FSTL5: variants seen among roughly 807,000 people sequenced by gnomAD.
FSTL5 encodes follistatin like 5, also known as follistatin-related protein 5.
In FSTL5, 62 loss-of-function variants were observed where a neutral mutation model predicts 89.1. The ratio of observed to expected loss-of-function variants is 0.70; its 90% confidence interval spans 0.57 to 0.86. The LOEUF (loss-of-function observed/expected upper bound fraction) is 0.86, where lower values mean the gene tolerates loss of function less well. Among genes scored for constraint, FSTL5 ranks in the 40% least tolerant of loss-of-function variants. The pLI is 0.00. For synonymous variants in FSTL5, 383 were observed against 346.2 expected (o/e 1.11, Z -1.18); for missense variants, 1,057 against 1,001.6 (o/e 1.06, Z -0.75).
At chr4:161,471,219 C>A (rs1459705338) in intron 13 of FSTL5, among the ~76,000 whole-genome samples, 1 of 152,182 alleles carries the variant, frequency 6.6e-6, no homozygotes, top group Non-Finnish European at 1.5e-5. Context: ...TATATGTTGC[C>A]ATAGTTTCTT....
chr4:162,098,449 C>T (rs765666909), intron 2 of FSTL5, among the ~76,000 whole-genome samples: 6 of 151,888 alleles, frequency 4.0e-5, no homozygotes, highest in Non-Finnish European at 4.4e-5. Flanking sequence ...TCAGAGAATA[C>T]GCATGTAACA....
At chr4:161,874,375 T>C (rs1028786748) in intron 4 of FSTL5, among the ~76,000 whole-genome samples, 12 of 152,058 alleles carry the variant, frequency 7.9e-5, no homozygotes, top group Admixed American at 7.2e-4. Context: ...AGAACTTTAA[T>C]ATTTTCTTCT....
At chr4:161,720,018 A>C (rs547840265) in intron 6 of FSTL5, among the ~76,000 whole-genome samples, 92 of 152,288 alleles carry the variant, frequency 6.0e-4, no homozygotes, top group Middle Eastern at 3.4e-3. Flanking sequence ...CTATTACACC[A>C]AAACCATAGG....
At chr4:161,741,298 A>T (rs1740020703) in intron 6 of FSTL5, among the ~76,000 whole-genome samples, 1 of 152,190 alleles carries the variant, frequency 6.6e-6, no homozygotes, top group Admixed American at 6.5e-5. Context: ...AGGTAGGTCA[A>T]ATGTAATCCT....
rs557140993 is a variant in FSTL5 at position 161,901,360 on chromosome 4, A to C, written c.409+19044T>G. On this transcript the variant is annotated intron_variant, in intron 4 of 15. Coordinates refer to ENST00000306100, the MANE Select transcript of FSTL5 (RefSeq NM_020116.5). ...GACAGCACACAGGGCCTCAGGTAGG[A>C]GTGAGGTTGTTTTAGTACTGATGTA... Among the ~76,000 whole-genome samples the C allele has an allele frequency of 1.5e-3, 227 of 152,230 alleles. 1 individual carries two copies. The highest frequency in any genetic ancestry group is 5.3e-3 in the African/African-American group (220 of 41,548).
chr4:161,439,028 A>G (rs892658866), intron 15 of FSTL5, among the ~76,000 whole-genome samples: 3 of 152,114 alleles, frequency 2.0e-5, no homozygotes, highest in Non-Finnish European at 2.9e-5. Flanking sequence ...ATAATAAATG[A>G]GCATGCTTAT....
chr4:161,884,160 C>T (rs1349886138), intron 4 of FSTL5, among the ~76,000 whole-genome samples: 4 of 152,050 alleles, frequency 2.6e-5, no homozygotes, highest in Non-Finnish European at 4.4e-5. Flanking sequence ...AGTGATTCTC[C>T]TGCCTCAGCC....
intron 3 of FSTL5, among the ~76,000 whole-genome samples, chr4:161,933,503 T>C (rs575487843): frequency 1.3e-5 from 2 of 152,148 alleles, no homozygotes; most frequent in African/African-American, 4.8e-5. Context: ...GTTAAAAAAG[T>C]TGTCACATGA....
intron 4 of FSTL5, among the ~76,000 whole-genome samples, chr4:161,906,838 C>T (rs1733542870): frequency 6.6e-6 from 1 of 152,068 alleles, no homozygotes; most frequent in Non-Finnish European, 1.5e-5. Flanking sequence ...AAGGGCATGA[C>T]ATACTCTTTA....
At chr4:162,084,533 T>C (rs1411752594) in intron 2 of FSTL5, among the ~76,000 whole-genome samples, 2 of 151,932 alleles carry the variant, frequency 1.3e-5, no homozygotes, top group African/African-American at 2.4e-5. Flanking sequence ...CAAATGCCCA[T>C]CAATGATAGA....
chr4:161,837,900 T>C (rs1731095554), intron 4 of FSTL5, among the ~76,000 whole-genome samples: 1 of 152,152 alleles, frequency 6.6e-6, no homozygotes, highest in African/African-American at 2.4e-5. Context: ...TATATATACT[T>C]GACTTTCAGG....
intron 8 of FSTL5, among the ~76,000 whole-genome samples, chr4:161,576,918 A>G (rs1294987242): frequency 6.6e-6 from 1 of 152,228 alleles, no homozygotes; most frequent in Non-Finnish European, 1.5e-5. Context: ...GAAAACTATC[A>G]AAATTTATGT....
rs1212569239 is a variant in FSTL5, at chr4:162,100,208, C to T, written c.126+11063G>A. On this transcript the variant is annotated intron_variant, in intron 2 of 15. Transcript: ENST00000306100. ...GTGAATGTAAAAACAAACTGTGGTACATTCAGAAAATGGAGTATTATTCAG... is the reference window on the plus strand; with the variant it reads ...GTGAATGTAAAAACAAACTGTGGTATATTCAGAAAATGGAGTATTATTCAG... 2.0e-5 allele frequency among the ~76,000 whole-genome samples: 3 copies of T among 152,262 alleles called. No individual in the cohort carries two copies. In the East Asian group the frequency reaches 5.8e-4, roughly 29 times the overall value.
intron 6 of FSTL5, among the ~76,000 whole-genome samples, chr4:161,660,040 C>T (rs908864854): frequency 6.6e-5 from 10 of 152,102 alleles, no homozygotes; most frequent in East Asian, 1.9e-4. Context: ...CATATGGTAC[C>T]GAGTGTTTTG....
chr4:161,523,074 C>T (rs1731093485), intron 10 of FSTL5, among the ~76,000 whole-genome samples: 1 of 151,956 alleles, frequency 6.6e-6, no homozygotes, highest in Admixed American at 6.6e-5. Flanking sequence ...ACATTGGATC[C>T]ACTAAAATTT....
chr4:161,410,913 T>C (rs1328647808), intron 15 of FSTL5, among the ~76,000 whole-genome samples: 1 of 143,942 alleles, frequency 6.9e-6, no homozygotes, highest in Non-Finnish European at 1.5e-5. Context: ...AATGTAAAAA[T>C]TCATATGAAA....
intron 15 of FSTL5, among the ~76,000 whole-genome samples, chr4:161,421,421 G>C (rs1357568626): frequency 6.6e-6 from 1 of 151,588 alleles, no homozygotes; most frequent in East Asian, 1.9e-4. Flanking sequence ...TCTTCTTCTA[G>C]TGTAAGGTTA....
At chr4:161,450,888 C>T (rs1293472372) in intron 15 of FSTL5, among the ~76,000 whole-genome samples, 8 of 151,866 alleles carry the variant, frequency 5.3e-5, no homozygotes, top group East Asian at 2.0e-4. Context: ...GGACTACAGG[C>T]GCCCACCACC....
At chr4:161,550,604 T>G (rs1732172274) in intron 8 of FSTL5, among the ~76,000 whole-genome samples, 1 of 150,446 alleles carries the variant, frequency 6.6e-6, no homozygotes, top group African/African-American at 2.4e-5. Context: ...TTATTATACT[T>G]TAAGTTTTAG....
Sources: allele counts gnomAD v4.1 joint callset (sites outside exome capture counted in the v4.1 genomes callset), GRCh38; gene constraint gnomAD v4.1.1; transcripts MANE v1.5; gene names NCBI Gene and HGNC (gene_info 2026-07-23, HGNC 2026-07-21).